The following LIMS1 variants were observed in gnomAD, a reference collection of about 807,000 sequenced individuals.
LIMS1 encodes LIM zinc finger domain containing 1.
LIMS1 carries 18 observed loss-of-function variants against 44.1 expected under a neutral mutation model. The ratio of observed to expected loss-of-function variants is 0.41; its 90% confidence interval spans 0.28 to 0.61. The LOEUF is 0.61. LIMS1 is among the 20% of genes least tolerant of loss of function. The pLI is 0.32. For missense variants in LIMS1, 201 were observed against 422.0 expected (o/e 0.48, Z 4.59); for synonymous variants, 93 against 149.1 (o/e 0.62, Z 2.74).
intron 1 of LIMS1, among the ~76,000 whole-genome samples, chr2:108,574,767 CTT>C (rs973633214): frequency 6.6e-5 from 10 of 152,166 alleles, no homozygotes; most frequent in African/African-American, 2.4e-4. Context: ...GAAGCAAACT[CTT>C]TGGTTTTCCT....
chr2:108,656,516 AT>A (rs1690861058), intron 1 of LIMS1, among the ~76,000 whole-genome samples: 2 of 152,234 alleles, frequency 1.3e-5, no homozygotes, highest in Non-Finnish European at 1.5e-5. Flanking sequence ...TAAAATCAAC[AT>A]TTAAAAAAAA....
chr2:108,603,008 A>G (rs1480670805), intron 1 of LIMS1, among the ~76,000 whole-genome samples: 3 of 152,168 alleles, frequency 2.0e-5, no homozygotes, highest in Non-Finnish European at 4.4e-5. Context: ...CTGGTCTGGA[A>G]CACCTGGGTT....
chr2:108,662,079 A>G (rs1230930368), intron 2 of LIMS1: 89 of 1,451,458 alleles, frequency 6.1e-5, no homozygotes, highest in South Asian at 8.3e-5. Context: ...AGCTCGGTCC[A>G]GGGGAGCAAT....
chr2:108,646,831 G>A (rs537688520), intron 1 of LIMS1, among the ~76,000 whole-genome samples: 6 of 152,156 alleles, frequency 3.9e-5, no homozygotes, highest in South Asian at 4.1e-4. Context: ...TCAGCCTCCC[G>A]AATAGCTGGG....
At chr2:108,661,838 A>T (rs1691393915) in intron 2 of LIMS1, among the ~76,000 whole-genome samples, 1 of 152,106 alleles carries the variant, frequency 6.6e-6, no homozygotes, top group Admixed American at 6.5e-5. Flanking sequence ...GCTTGGAGAG[A>T]GCATGGTCTT....
At chr2:108,684,003 CCTTT>C (rs1200488338) in exon 10 of LIMS1, 2 of 1,445,060 alleles carry the variant, frequency 1.4e-6, no homozygotes, top group South Asian at 1.2e-5. Flanking sequence ...GAAATAAGTT[CCTTT>C]ATTTTTTCTT....
intron 1 of LIMS1, among the ~76,000 whole-genome samples, chr2:108,638,873 C>A (rs796901242): frequency 9.9e-5 from 15 of 152,248 alleles, no homozygotes; most frequent in African/African-American, 3.4e-4. Context: ...GAAACCCCGT[C>A]TCTACTAAAA....
At chr2:108,587,293 TGTGTGTGTGTG>T (rs1558798304) in intron 1 of LIMS1, among the ~76,000 whole-genome samples, 2,334 of 90,180 alleles carry the variant, frequency 0.026, 39 homozygotes, top group Non-Finnish European at 0.035. Context: ...TTGGGGTTTG[TGTGTGTGTGTG>T]TGTGTGTGTG....
intron 1 of LIMS1, among the ~76,000 whole-genome samples, chr2:108,544,276 CA>C (rs1684412974): frequency 1.3e-5 from 2 of 152,102 alleles, no homozygotes; most frequent in African/African-American, 4.8e-5. Context: ...ATTCAAGAAT[CA>C]GGGAGAACAG....
At chr2:108,607,367 T>A in intron 1 of LIMS1, 1 of 1,022,048 alleles carries the variant, frequency 9.8e-7, no homozygotes, top group Non-Finnish European at 1.5e-6. Flanking sequence ...AGTACATGTG[T>A]GCACATATAG....
chr2:108,635,852 A>C (rs140222578), intron 1 of LIMS1, among the ~76,000 whole-genome samples: 3 of 152,292 alleles, frequency 2.0e-5, no homozygotes, highest in Non-Finnish European at 4.4e-5. Context: ...CTAGTTTTGA[A>C]TGTAAATACA....
intron 1 of LIMS1, among the ~76,000 whole-genome samples, chr2:108,577,852 C>G (rs1685727357): frequency 6.6e-6 from 1 of 152,120 alleles, no homozygotes; most frequent in Non-Finnish European, 1.5e-5. Flanking sequence ...CATCTGTTCT[C>G]TCCTCTTACC....
intron 1 of LIMS1, among the ~76,000 whole-genome samples, chr2:108,535,813 C>T (rs1220749317): frequency 6.6e-6 from 1 of 152,120 alleles, no homozygotes; most frequent in African/African-American, 2.4e-5. Context: ...AAGGAAGTGT[C>T]CGGCAATACA....
intron 1 of LIMS1, among the ~76,000 whole-genome samples, chr2:108,556,564 A>G (rs1230879484): frequency 6.6e-6 from 1 of 152,174 alleles, no homozygotes; most frequent in Non-Finnish European, 1.5e-5. Context: ...TATGTTATTT[A>G]TATTTTCAGA....
At chr2:108,680,512 G>C (rs1268383856) in intron 8 of LIMS1, among the ~76,000 whole-genome samples, 183 bp from the exon 9 acceptor site, 3 of 148,454 alleles carry the variant, frequency 2.0e-5, no homozygotes, top group Non-Finnish European at 4.4e-5. Context: ...ACTCCAGCCT[G>C]GGCTATAGAG....
At chr2:108,602,986 TACCC>T (rs1197273051) in intron 1 of LIMS1, among the ~76,000 whole-genome samples, 8 of 152,282 alleles carry the variant, frequency 5.3e-5, no homozygotes, top group African/African-American at 1.9e-4. Flanking sequence ...TTCGTCATGG[TACCC>T]AGCCAGGCTG....
intron 1 of LIMS1, among the ~76,000 whole-genome samples, chr2:108,641,441 G>GT (rs1198042512): frequency 6.6e-6 from 1 of 152,198 alleles, no homozygotes; most frequent in Non-Finnish European, 1.5e-5. Flanking sequence ...TTTGATTCCA[G>GT]TGTTTGGGAT....
At chr2:108,539,772 ATGCTCAATG>A (rs1336538444) in intron 1 of LIMS1, among the ~76,000 whole-genome samples, 5 of 152,184 alleles carry the variant, frequency 3.3e-5, no homozygotes, top group Non-Finnish European at 7.3e-5. Context: ...AACATAGTAG[ATGCTCAATG>A]AAGTCATCAT....
At chr2:108,682,411 A>G (rs1226722598) in intron 9 of LIMS1, among the ~76,000 whole-genome samples, 2 of 152,128 alleles carry the variant, frequency 1.3e-5, no homozygotes, top group South Asian at 2.1e-4. Context: ...GAGACAGGAG[A>G]ATCGCTTGAA....
Sources: gnomAD v4.1 joint callset for allele counts (sites outside exome capture counted in the v4.1 genomes callset) on GRCh38, gnomAD v4.1.1 for gene constraint, MANE v1.5 for transcripts, NCBI Gene and HGNC (gene_info 2026-07-23, HGNC 2026-07-21) for gene names.